Variants in SORT1 observed in about 807,000 individuals in gnomAD.
The protein encoded by SORT1 is sortilin.
In SORT1, 39 loss-of-function variants were observed where a neutral mutation model predicts 101.7. The ratio of observed to expected loss-of-function variants is 0.38; its 90% CI spans 0.30 to 0.50. The LOEUF is 0.50. SORT1 is among the 20% of genes least tolerant of loss of function. The probability of loss-of-function intolerance (pLI) is 0.90; values close to 1 mark genes in which losing one functional copy is unlikely to be tolerated. For synonymous variants in SORT1, 396 were observed against 393.7 expected, an observed-to-expected ratio of 1.01 and a Z score of -0.07; for missense variants, 878 against 1,040.4, an observed-to-expected ratio of 0.84 and a Z score of 2.15.
chr1:109,325,912 A>C (rs1240907369), intron 13 of SORT1, among the ~76,000 whole-genome samples: 1 of 152,074 alleles, frequency 6.6e-6, no homozygotes, highest in Non-Finnish European at 1.5e-5. Flanking sequence ...GAGACGCAAG[A>C]ATCATTTGAA....
At chr1:109,351,553 G>T (rs1649963942) in intron 5 of SORT1, among the ~76,000 whole-genome samples, 1 of 152,188 alleles carries the variant, frequency 6.6e-6, no homozygotes, top group Admixed American at 6.5e-5. Flanking sequence ...TGTGTGCAGG[G>T]AGCTAAAAGC....
intron 15 of SORT1, 80 bp from the exon 16 acceptor site, chr1:109,318,049 G>A: frequency 1.2e-6 from 1 of 838,336 alleles, no homozygotes; most frequent in Non-Finnish European, 2.0e-6. Flanking sequence ...GTTATGTGGG[G>A]TAGTGGATGG....
At chr1:109,315,272 T>A (rs1658963258) in intron 17 of SORT1, among the ~76,000 whole-genome samples, 2 of 152,180 alleles carry the variant, frequency 1.3e-5, no homozygotes, top group Non-Finnish European at 1.5e-5. Context: ...ATAAGCCTTA[T>A]CATATCACTG....
At position 109,381,680 on chromosome 1, in the gene SORT1, G is replaced by A. The variant is rs1652243962; in HGVS notation, c.307-12091C>T. On this transcript the variant is annotated intron_variant, in intron 1 of 19. Transcript: ENST00000256637. The stretch of plus-strand genomic sequence containing the variant: ...AGCTCAGGAGTTTGAGACCAGCCTG[G>A]GAAACATAGTGAGACTTTGCCTCCA... 2.0e-5 allele frequency among the ~76,000 whole-genome samples: 3 copies of A among 152,002 alleles called. No individual in the cohort carries two copies. The South Asian group carries it at 6.2e-4, about 31-fold the overall frequency.
At chr1:109,375,366 T>TCCCGGCTAAAACGGTGAAA (rs1651757835) in intron 1 of SORT1, among the ~76,000 whole-genome samples, 2 of 151,478 alleles carry the variant, frequency 1.3e-5, no homozygotes, top group African/African-American at 4.8e-5. Flanking sequence ...ATCAAGACCA[T>TCCCGGCTAAAACGGTGAAA]CCCCGTCTCT....
intron 5 of SORT1, among the ~76,000 whole-genome samples, chr1:109,352,110 G>T (rs1027383254): frequency 6.6e-6 from 1 of 152,106 alleles, no homozygotes; most frequent in Non-Finnish European, 1.5e-5. Context: ...AAGGGAAGAA[G>T]ATCAGGTCTG....
At chr1:109,367,926 A>C (rs529680032) in intron 2 of SORT1, among the ~76,000 whole-genome samples, 1 of 152,234 alleles carries the variant, frequency 6.6e-6, no homozygotes, top group African/African-American at 2.4e-5. Context: ...TTATCTACCA[A>C]AAACTATGCA....
At chr1:109,390,156 T>A (rs1652810928) in intron 1 of SORT1, among the ~76,000 whole-genome samples, 1 of 152,182 alleles carries the variant, frequency 6.6e-6, no homozygotes, top group Admixed American at 6.5e-5. Flanking sequence ...AAAAATCACC[T>A]CCACTTTGAT....
intron 5 of SORT1, among the ~76,000 whole-genome samples, chr1:109,352,716 A>G (rs1166850059): frequency 6.6e-6 from 1 of 152,190 alleles, no homozygotes; most frequent in Non-Finnish European, 1.5e-5. Context: ...ACTGATTTGC[A>G]CTTTAGTACA....
chr1:109,322,106 GTTTT>G (rs573038952), intron 15 of SORT1, among the ~76,000 whole-genome samples: 2 of 145,214 alleles, frequency 1.4e-5, no homozygotes, highest in Admixed American at 6.9e-5. Flanking sequence ...CTTTCTTTCT[GTTTT>G]TTTTTTTGTT....
chr1:109,318,979 T>C (rs1647435844), intron 15 of SORT1, among the ~76,000 whole-genome samples: 1 of 152,174 alleles, frequency 6.6e-6, no homozygotes, highest in South Asian at 2.1e-4. Flanking sequence ...AGTTTTGCCA[T>C]ATTGCCCAGC....
intron 7 of SORT1, among the ~76,000 whole-genome samples, chr1:109,346,314 T>TAAA (rs56298313): frequency 1.2e-5 from 1 of 86,796 alleles, no homozygotes; most frequent in African/African-American, 4.2e-5. Context: ...CTCCGTCTCA[T>TAAA]AAAAAAAAAA....
chr1:109,380,185 C>A (rs181408169), intron 1 of SORT1, among the ~76,000 whole-genome samples: 1 of 151,948 alleles, frequency 6.6e-6, no homozygotes, highest in East Asian at 1.9e-4. Flanking sequence ...CCCAGCGACT[C>A]AGGAGGTTGA....
At chr1:109,348,591 T>C (rs1038211109) in intron 6 of SORT1, among the ~76,000 whole-genome samples, 5 of 152,152 alleles carry the variant, frequency 3.3e-5, no homozygotes, top group Non-Finnish European at 5.9e-5. Context: ...TCGGCTAAAG[T>C]GATCCTCCCA....
Position 109,364,692 on chromosome 1 carries a change from G to T in SORT1, c.440+2716C>A, listed in dbSNP as rs909613691. The stretch of plus-strand genomic sequence containing the variant: ...GGGGGTGCAGTGTGCATTTGTAGAA[G>T]ACGTGGAGGCATCTGGGGGCAGGCA... On this transcript the variant is annotated intron_variant, in intron 3 of 19. Transcript: ENST00000256637. Among the ~76,000 whole-genome samples, 5 of 152,194 alleles carry T rather than the reference G, an allele frequency of 3.3e-5. 1 individual carries two copies. The highest frequency in any genetic ancestry group is 1.2e-4 in the African/African-American group (5 of 41,446).
At chr1:109,370,927 A>G (rs1392493446) in intron 1 of SORT1, among the ~76,000 whole-genome samples, 4 of 152,234 alleles carry the variant, frequency 2.6e-5, no homozygotes, top group Non-Finnish European at 5.9e-5. Flanking sequence ...TCAAGCCACC[A>G]ATCCCACATA....
intron 15 of SORT1, among the ~76,000 whole-genome samples, chr1:109,321,867 A>G (rs887724688): frequency 2.0e-4 from 31 of 152,164 alleles, no homozygotes; most frequent in Non-Finnish European, 2.9e-4. Flanking sequence ...TCATGCCCTT[A>G]TATAATCAAC....
intron 11 of SORT1, among the ~76,000 whole-genome samples, chr1:109,333,084 T>A (rs1291719072): frequency 1.3e-5 from 2 of 152,094 alleles, no homozygotes; most frequent in Non-Finnish European, 2.9e-5. Flanking sequence ...CACATCACCA[T>A]ACCCAGCTAA....
intron 11 of SORT1, among the ~76,000 whole-genome samples, chr1:109,331,181 G>A (rs1471921388): frequency 6.6e-6 from 1 of 152,022 alleles, no homozygotes; most frequent in African/African-American, 2.4e-5. Context: ...AAAATTACAG[G>A]TCAATATCTC....
Sources: gnomAD v4.1 joint callset for allele counts (sites outside exome capture counted in the v4.1 genomes callset) on GRCh38, gnomAD v4.1.1 for gene constraint, MANE v1.5 for transcripts, NCBI Gene and HGNC (gene_info 2026-07-23, HGNC 2026-07-21) for gene names.